Variants in DCC observed in about 807,000 individuals in gnomAD.
The protein encoded by DCC is DCC netrin 1 receptor, also known as netrin receptor DCC.
In DCC, 58 loss-of-function variants were observed where a neutral mutation model predicts 172.5. That is an observed-to-expected ratio of 0.34 (90% confidence interval 0.27 to 0.42). The LOEUF (loss-of-function observed/expected upper bound fraction) is 0.42, where lower values mean the gene tolerates loss of function less well. Ranked by LOEUF, DCC falls within the 10% of genes least tolerant of loss-of-function variation. The probability of loss-of-function intolerance (pLI) is 1.00; values close to 1 mark genes in which losing one functional copy is unlikely to be tolerated. For synonymous variants in DCC, 709 were observed against 644.5 expected (o/e 1.10, Z -1.52); for missense variants, 1,740 against 1,791.0 (o/e 0.97, Z 0.51).
chr18:53,288,482 T>C (rs976888563), intron 12 of DCC, among the ~76,000 whole-genome samples: 6 of 152,148 alleles, frequency 3.9e-5, no homozygotes, highest in Admixed American at 2.0e-4. Context: ...TTTTAAAATA[T>C]TTTATTAATT....
chr18:52,590,293 C>T (rs2033771329), intron 1 of DCC, among the ~76,000 whole-genome samples: 1 of 151,936 alleles, frequency 6.6e-6, no homozygotes, highest in Admixed American at 6.6e-5. Flanking sequence ...ATGCATTAGC[C>T]TAACCAAAGC....
intron 1 of DCC, among the ~76,000 whole-genome samples, chr18:52,385,049 T>G (rs1334646422): frequency 6.6e-6 from 1 of 152,088 alleles, no homozygotes. Context: ...CAGAAATTTT[T>G]ATAGAAGCTC....
At chr18:52,701,293 C>T (rs900511689) in intron 1 of DCC, among the ~76,000 whole-genome samples, 5 of 152,078 alleles carry the variant, frequency 3.3e-5, no homozygotes, top group Admixed American at 6.6e-5. Flanking sequence ...CTAACCTGAA[C>T]GATAGCAATA....
rs186005149 is a variant in DCC at position 52,476,257 on chromosome 18, T to A, written c.91+135379T>A. 5.3e-5 allele frequency among the ~76,000 whole-genome samples: 8 copies of A among 152,334 alleles called. No homozygotes were observed. In the East Asian group the frequency reaches 1.5e-3, roughly 29 times the overall value. On this transcript the variant is annotated intron_variant, in intron 1 of 28. Transcript: ENST00000442544. ...ACATTGTCTCTTTTCCCTTTTGTTC[T>A]TTTTCATTTCTGACAGAAACCATTT...
intron 14 of DCC, among the ~76,000 whole-genome samples, chr18:53,333,920 G>A (rs2057561713): frequency 6.6e-6 from 1 of 152,152 alleles, no homozygotes; most frequent in African/African-American, 2.4e-5. Flanking sequence ...CCACAGGTTT[G>A]ACTAATAGGC....
rs745490456 is a variant in DCC at position 53,478,893 on chromosome 18, A to G, written c.3737-7904A>G. 3.3e-5 allele frequency among the ~76,000 whole-genome samples: 5 copies of G among 152,374 alleles called. No homozygotes were observed. The South Asian group carries it at 1.0e-3, about 32-fold the overall frequency. On this transcript the variant is annotated intron_variant, in intron 25 of 28. Transcript: ENST00000442544. ...GAGGCCTGCTTCTACACAAATGGAC[A>G]TTGAGAGGGACTCGTCTGTGAGACG...
chr18:52,444,365 C>G (rs575703634), intron 1 of DCC, among the ~76,000 whole-genome samples: 2 of 152,132 alleles, frequency 1.3e-5, no homozygotes, highest in South Asian at 4.1e-4. Context: ...AAGACTTCTA[C>G]GTCAAGAAGC....
intron 7 of DCC, among the ~76,000 whole-genome samples, chr18:53,117,045 A>G (rs891416404): frequency 1.3e-5 from 2 of 151,740 alleles, no homozygotes; most frequent in African/African-American, 4.8e-5. Flanking sequence ...ATGAAAATCC[A>G]GTAAAATGCA....
At chr18:52,845,126 C>G (rs2038864783) in intron 2 of DCC, among the ~76,000 whole-genome samples, 1 of 152,054 alleles carries the variant, frequency 6.6e-6, no homozygotes, top group African/African-American at 2.4e-5. Flanking sequence ...AAAAGACAGA[C>G]AGAGAGAGGA....
intron 7 of DCC, among the ~76,000 whole-genome samples, chr18:53,093,689 C>T (rs2043045349): frequency 1.3e-5 from 2 of 152,196 alleles, no homozygotes; most frequent in Admixed American, 1.3e-4. Flanking sequence ...TGCTATGGCA[C>T]ATGTAAATAC....
chr18:52,612,292 C>T (rs2144842338), intron 1 of DCC, among the ~76,000 whole-genome samples: 1 of 152,252 alleles, frequency 6.6e-6, no homozygotes, highest in Non-Finnish European at 1.5e-5. Context: ...CCATCTTCCT[C>T]ATCTCTCCCC....
intron 8 of DCC, among the ~76,000 whole-genome samples, chr18:53,163,866 A>G (rs1286901640): frequency 6.6e-6 from 1 of 152,184 alleles, no homozygotes; most frequent in African/African-American, 2.4e-5. Flanking sequence ...TCCATGCCCA[A>G]GGCCACAGTT....
At chr18:52,927,706 GA>G (rs2145495277) in intron 5 of DCC, among the ~76,000 whole-genome samples, 1 of 152,054 alleles carries the variant, frequency 6.6e-6, no homozygotes, top group South Asian at 2.1e-4. Flanking sequence ...ACCACAATGA[GA>G]ACCACCATCT....
chr18:52,483,621 T>C (rs973786764), intron 1 of DCC, among the ~76,000 whole-genome samples: 1 of 152,110 alleles, frequency 6.6e-6, no homozygotes, highest in Non-Finnish European at 1.5e-5. Context: ...AGACCCTTTT[T>C]ATGTGATCTT....
chr18:52,685,359 T>G (rs1196541361), intron 1 of DCC, among the ~76,000 whole-genome samples: 1 of 152,082 alleles, frequency 6.6e-6, no homozygotes, highest in African/African-American at 2.4e-5. Context: ...AACACAAGAG[T>G]GAGGCATGGG....
At chr18:52,675,905 C>A (rs72929158) in intron 1 of DCC, among the ~76,000 whole-genome samples, 8,038 of 152,244 alleles carry the variant, frequency 0.053, 280 homozygotes, top group Non-Finnish European at 0.077. Context: ...ATTGGCCTGC[C>A]TCCCATTTCC....
chr18:52,616,033 G>A (rs1394939815), intron 1 of DCC, among the ~76,000 whole-genome samples: 2 of 152,122 alleles, frequency 1.3e-5, no homozygotes, highest in African/African-American at 4.8e-5. Context: ...GAGGGTTTCT[G>A]TATACCCCTC....
At chr18:52,862,142 G>A (rs985553545) in intron 2 of DCC, among the ~76,000 whole-genome samples, 2 of 151,968 alleles carry the variant, frequency 1.3e-5, no homozygotes, top group Non-Finnish European at 2.9e-5. Flanking sequence ...TCCATATTTT[G>A]ACAATGCTTT....
intron 2 of DCC, among the ~76,000 whole-genome samples, chr18:52,827,133 C>G (rs1043386167): frequency 1.3e-5 from 2 of 152,146 alleles, no homozygotes; most frequent in African/African-American, 4.8e-5. Flanking sequence ...CTAGCAAACC[C>G]AGCCAGGGCC....
Sources: allele counts gnomAD v4.1 joint callset (sites outside exome capture counted in the v4.1 genomes callset), GRCh38; gene constraint gnomAD v4.1.1; transcripts MANE v1.5; gene names NCBI Gene and HGNC (gene_info 2026-07-23, HGNC 2026-07-21).